Variants in NPAS3 observed in about 807,000 individuals in gnomAD.
NPAS3 encodes the protein neuronal PAS domain-containing protein 3.
In NPAS3, 14 loss-of-function variants were observed where a neutral mutation model predicts 73.1. The observed-to-expected ratio is 0.19, with a 90% CI of 0.13 to 0.30. The LOEUF (loss-of-function observed/expected upper bound fraction) is 0.30. Among genes scored for constraint, NPAS3 ranks in the 10% least tolerant of loss-of-function variants. The pLI is 1.00. For synonymous variants in NPAS3, 620 were observed against 541.5 expected (o/e 1.14, Z -2.01); for missense variants, 1,096 against 1,250.0 (o/e 0.88, Z 1.86).
At chr14:33,763,764 T>G (rs1361000873) in intron 7 of NPAS3, among the ~76,000 whole-genome samples, 2 of 152,228 alleles carry the variant, frequency 1.3e-5, no homozygotes, top group Non-Finnish European at 2.9e-5. Context: ...GAGTTCCAGA[T>G]ACCTACTGCA....
intron 5 of NPAS3, among the ~76,000 whole-genome samples, chr14:33,591,193 C>G (rs907793751): frequency 6.6e-6 from 1 of 152,188 alleles, no homozygotes; most frequent in African/African-American, 2.4e-5. Flanking sequence ...CCCTGGACAG[C>G]TGTCCTTGCC....
At chr14:33,703,652 G>T (rs1436331106) in intron 6 of NPAS3, among the ~76,000 whole-genome samples, 1 of 151,938 alleles carries the variant, frequency 6.6e-6, no homozygotes, top group African/African-American at 2.4e-5. Context: ...ATGAATGGGA[G>T]GCAATAATAC....
At chr14:33,649,608 C>T (rs2058933331) in intron 5 of NPAS3, among the ~76,000 whole-genome samples, 2 of 152,086 alleles carry the variant, frequency 1.3e-5, no homozygotes, top group African/African-American at 4.8e-5. Context: ...TGAAACTTAA[C>T]TTTTTTAGTT....
chr14:33,482,056 T>G (rs565163973), intron 4 of NPAS3, among the ~76,000 whole-genome samples: 123 of 150,570 alleles, frequency 8.2e-4, no homozygotes, highest in African/African-American at 2.9e-3. Context: ...GAAGCAAGTT[T>G]TTTTTTTTTT....
intron 3 of NPAS3, among the ~76,000 whole-genome samples, chr14:33,220,646 G>T (rs1328076167): frequency 1.3e-5 from 2 of 152,154 alleles, no homozygotes; most frequent in Non-Finnish European, 2.9e-5. Flanking sequence ...TGATGAGAGA[G>T]TATGTCTCTG....
At chr14:32,997,333 T>C (rs2038619505) in intron 1 of NPAS3, among the ~76,000 whole-genome samples, 1 of 152,164 alleles carries the variant, frequency 6.6e-6, no homozygotes, top group South Asian at 2.1e-4. Flanking sequence ...GAGTTAATGC[T>C]GAAATGAGTT....
intron 1 of NPAS3, among the ~76,000 whole-genome samples, chr14:33,018,345 T>C (rs564874281): frequency 6.6e-6 from 1 of 152,284 alleles, no homozygotes; most frequent in African/African-American, 2.4e-5. Context: ...ATTTGACCTT[T>C]ACATTTTTGC....
At chr14:32,939,309 GC>G, upstream of NPAS3, 1 of 666,358 alleles carries the variant, frequency 1.5e-6, no homozygotes, top group Non-Finnish European at 2.7e-6. Context: ...AAAAAAAATA[GC>G]AGGAAGATGG....
At chr14:33,508,096 T>C (rs1016417838) in intron 4 of NPAS3, among the ~76,000 whole-genome samples, 1 of 152,054 alleles carries the variant, frequency 6.6e-6, no homozygotes, top group African/African-American at 2.4e-5. Flanking sequence ...GCAAATAATA[T>C]TGCCATTGTT....
chr14:33,207,029 G>A (rs952842366), intron 2 of NPAS3, among the ~76,000 whole-genome samples: 11 of 152,028 alleles, frequency 7.2e-5, no homozygotes, highest in South Asian at 2.1e-4. Flanking sequence ...ATCCCATGTC[G>A]GGCAAAGACC....
chr14:33,402,428 G>T (rs1182990321), intron 4 of NPAS3, among the ~76,000 whole-genome samples: 1 of 152,024 alleles, frequency 6.6e-6, no homozygotes, highest in Non-Finnish European at 1.5e-5. Context: ...TTCAGGAGGT[G>T]CTTCTCTAAC....
chr14:33,090,480 G>T (rs1940742812), intron 2 of NPAS3, among the ~76,000 whole-genome samples: 1 of 152,216 alleles, frequency 6.6e-6, no homozygotes, highest in Non-Finnish European at 1.5e-5. Flanking sequence ...CAGTACAGGA[G>T]AAGCCAGATT....
chr14:33,762,513 A>G (rs8020167), intron 7 of NPAS3, among the ~76,000 whole-genome samples: 38,669 of 152,078 alleles, frequency 0.25, 5,865 homozygotes, highest in African/African-American at 0.41. Context: ...TTTAGAGTCA[A>G]TCTTCCTGAA....
At chr14:33,535,158 A>G (rs115489590) in intron 4 of NPAS3, among the ~76,000 whole-genome samples, 2,280 of 152,302 alleles carry the variant, frequency 0.015, 66 homozygotes, top group African/African-American at 0.052. Context: ...TTCTATAATA[A>G]AAGTATATAT....
chr14:33,031,551 G>T (rs2039990259), intron 1 of NPAS3, among the ~76,000 whole-genome samples: 1 of 152,154 alleles, frequency 6.6e-6, no homozygotes, highest in African/African-American at 2.4e-5. Flanking sequence ...GGAGTGCAGT[G>T]GTGTGATCAT....
chr14:33,454,626 T>G (rs550782806), intron 4 of NPAS3, among the ~76,000 whole-genome samples: 1 of 152,346 alleles, frequency 6.6e-6, no homozygotes, highest in South Asian at 2.1e-4. Flanking sequence ...AGTATAGGCA[T>G]GCATTCAGTA....
chr14:33,351,058 T>C (rs978414530), intron 3 of NPAS3, among the ~76,000 whole-genome samples: 1 of 152,206 alleles, frequency 6.6e-6, no homozygotes, highest in Admixed American at 6.5e-5. Context: ...CTTGCCAAGC[T>C]CAGTGTTTGA....
At chr14:33,261,509 C>T (rs1456304150) in intron 3 of NPAS3, among the ~76,000 whole-genome samples, 1 of 151,954 alleles carries the variant, frequency 6.6e-6, no homozygotes, top group Non-Finnish European at 1.5e-5. Context: ...AACAATTATA[C>T]CAGTAAAAAA....
At chr14:33,407,564 T>C (rs560308142) in intron 4 of NPAS3, among the ~76,000 whole-genome samples, 55 of 152,310 alleles carry the variant, frequency 3.6e-4, no homozygotes, top group Non-Finnish European at 7.5e-4. Context: ...TGGCATATGG[T>C]GTAATAGAAT....
Sources: gnomAD v4.1 joint callset for allele counts (sites outside exome capture counted in the v4.1 genomes callset) on GRCh38, gnomAD v4.1.1 for gene constraint, MANE v1.5 for transcripts, NCBI Gene and HGNC (gene_info 2026-07-23, HGNC 2026-07-21) for gene names.